Variants in FRMD3 observed in about 807,000 individuals in gnomAD.
FRMD3 encodes the protein FERM domain containing 3, also known as FERM domain-containing protein 3.
Under a neutral mutation model 70.2 loss-of-function variants are expected in FRMD3, and 33 were observed. The observed-to-expected ratio is 0.47, with a 90% CI of 0.36 to 0.63. FRMD3 has a LOEUF of 0.63. Ranked by LOEUF, FRMD3 falls within the 20% of genes least tolerant of loss-of-function variation. The pLI, the probability that FRMD3 is intolerant of heterozygous loss-of-function variation, is 0.00. For missense variants in FRMD3, 632 were observed against 711.4 expected, an observed-to-expected ratio of 0.89 and a Z score of 1.27; for synonymous variants, 279 against 255.9, an observed-to-expected ratio of 1.09 and a Z score of -0.86.
chr9:83,555,236 G>A, the FRMD3 span, among the ~76,000 whole-genome samples: 1 of 151,936 alleles, frequency 6.6e-6, no homozygotes, highest in Non-Finnish European at 1.5e-5. Context: ...CACTCAAACA[G>A]CAAAGATGGC....
intron 4 of FRMD3, among the ~76,000 whole-genome samples, chr9:83,344,803 G>A (rs1823895313): frequency 6.9e-6 from 1 of 144,926 alleles, no homozygotes; most frequent in Non-Finnish European, 1.5e-5. Flanking sequence ...GAAAGGGTGT[G>A]TGTGCATGCG....
chr9:83,418,259 A>G lies in FRMD3; in HGVS notation c.148-28551T>C, dbSNP rs557460288. Among the ~76,000 whole-genome samples the G allele has an allele frequency of 3.3e-5, 5 of 152,334 alleles. No homozygotes were observed. In the East Asian group the frequency reaches 9.6e-4, roughly 29 times the overall value. On this transcript the variant is annotated intron_variant, in intron 1 of 13. Transcript: ENST00000304195. ...TAAGACCCCAAAAGCAAATGCAACA[A>G]AAATAAAAATAAATAAATGGGACCT...
At chr9:83,311,786 T>C in intron 8 of FRMD3, 101 bp downstream of exon 8, 3 of 823,114 alleles carry the variant, frequency 3.6e-6, no homozygotes, top group Non-Finnish European at 6.2e-6. Context: ...AGGAAATGGA[T>C]ACCAGGCATT....
intron 13 of FRMD3, among the ~76,000 whole-genome samples, chr9:83,249,069 G>A (rs1832275884): frequency 6.6e-6 from 1 of 151,984 alleles, no homozygotes; most frequent in South Asian, 2.1e-4. Context: ...TATTTTCTAT[G>A]TTTAAACAAA....
chr9:83,266,889 T>A, intron 13 of FRMD3: 1 of 1,018,034 alleles, frequency 9.8e-7, no homozygotes, highest in Non-Finnish European at 1.4e-6. Context: ...CTCTCTCTTT[T>A]CATCCTTATC....
At chr9:83,297,561 C>T in intron 12 of FRMD3, 1 of 332,746 alleles carries the variant, frequency 3.0e-6, no homozygotes, top group East Asian at 7.6e-5. Flanking sequence ...TATGTTTTAT[C>T]ATTTCCTCTT....
intron 6 of FRMD3, 100 bp downstream of exon 6, chr9:83,335,416 A>G (rs1587737962): frequency 1.6e-6 from 2 of 1,281,394 alleles, no homozygotes; most frequent in Non-Finnish European, 1.1e-6. Context: ...CTATCCATAC[A>G]TTACAAATAT....
chr9:83,524,824 C>T (rs900986739), intron 1 of FRMD3, among the ~76,000 whole-genome samples: 1 of 152,064 alleles, frequency 6.6e-6, no homozygotes, highest in African/African-American at 2.4e-5. Context: ...AAACAAAGAA[C>T]CAATAAATAC....
Position 83,309,556 on chromosome 9 carries a change from C to T in FRMD3, c.906G>A (p.Val302=). The T allele has an allele frequency of 6.3e-7, 1 of 1,589,158 alleles. No homozygotes were observed. Among genetic ancestry groups the T allele is most frequent in the Admixed American group, 1.7e-5 (1 of 58,246 alleles). The change falls in exon 10 of 14, where the codon GTG becomes GTA. Residue 302 remains valine, a synonymous_variant. Coordinates refer to ENST00000304195, the MANE Select transcript of FRMD3 (RefSeq NM_174938.6). ...CTTACTTATAAAAGGCCTGGTTTTC[C>T]ACTCCACACTTCCAAAGATGTTTGC... ...AACKHLWKCG[V]ENQAFYKYAK...
intron 1 of FRMD3, among the ~76,000 whole-genome samples, chr9:83,437,193 C>G (rs74993159): frequency 0.021 from 3,248 of 152,304 alleles, 39 homozygotes; most frequent in Non-Finnish European, 0.035. Context: ...AAGGTCTAGA[C>G]TGTAAAATTA....
intron 1 of FRMD3, among the ~76,000 whole-genome samples, chr9:83,488,870 TG>T: frequency 6.6e-6 from 1 of 152,012 alleles, no homozygotes; most frequent in South Asian, 2.1e-4. Context: ...ACAAGGAAAA[TG>T]GGGGAAATAA....
the FRMD3 span, among the ~76,000 whole-genome samples, chr9:83,563,675 G>A: frequency 4.6e-5 from 7 of 152,082 alleles, no homozygotes; most frequent in South Asian, 1.5e-3. Context: ...ACTACTCCTT[G>A]AGTCCTCTCC....
At chr9:83,389,509 C>G in intron 2 of FRMD3, 95 bp downstream of exon 2, 1 of 794,492 alleles carries the variant, frequency 1.3e-6, no homozygotes, top group Non-Finnish European at 2.2e-6. Context: ...TCTATGAGAA[C>G]AAGGGCATCA....
At chr9:83,294,272 G>C (rs1454723370) in intron 12 of FRMD3, among the ~76,000 whole-genome samples, 1 of 152,150 alleles carries the variant, frequency 6.6e-6, no homozygotes, top group Non-Finnish European at 1.5e-5. Context: ...TCAATCTGCT[G>C]GTGTCTTGAT....
At chr9:83,270,970 A>G (rs12345712) in intron 13 of FRMD3, among the ~76,000 whole-genome samples, 32,351 of 151,884 alleles carry the variant, frequency 0.21, 4,090 homozygotes, top group African/African-American at 0.36. Context: ...CTCCTCCCCA[A>G]TAGTAGCAGT....
intron 13 of FRMD3, among the ~76,000 whole-genome samples, chr9:83,283,546 A>AAAAAAT (rs1834064358): frequency 3.9e-5 from 1 of 25,906 alleles, no homozygotes; most frequent in African/African-American, 5.7e-5. Flanking sequence ...AAAAAAAAAA[A>AAAAAAT]AATAATAATA....
chr9:83,439,882 G>A lies in FRMD3; in HGVS notation c.148-50174C>T, dbSNP rs116749651. Among the ~76,000 whole-genome samples, 528 of 152,238 alleles carry A rather than the reference G, an allele frequency of 3.5e-3. 3 individuals carry two copies. The highest frequency in any genetic ancestry group is 0.012 in the African/African-American group (490 of 41,542). On this transcript the variant is annotated intron_variant, in intron 1 of 13. Transcript: ENST00000304195. The stretch of plus-strand genomic sequence containing the variant: ...GCTAGCAGTTATAAAATAAAATAAG[G>A]AGAAACTGGTAGAAAGACTAGATAT...
intron 1 of FRMD3, among the ~76,000 whole-genome samples, chr9:83,431,357 G>C (rs1317515727): frequency 6.6e-6 from 1 of 152,044 alleles, no homozygotes; most frequent in Non-Finnish European, 1.5e-5. Context: ...ACATTTTCAG[G>C]GATATGAGTT....
intron 5 of FRMD3, among the ~76,000 whole-genome samples, chr9:83,341,643 T>C (rs1204432485): frequency 2.0e-5 from 3 of 152,096 alleles, no homozygotes; most frequent in Non-Finnish European, 4.4e-5. Context: ...AAACACATTC[T>C]CTACTTCAGT....
Sources: gnomAD v4.1 joint callset for allele counts (sites outside exome capture counted in the v4.1 genomes callset) on GRCh38, gnomAD v4.1.1 for gene constraint, MANE v1.5 for transcripts, NCBI Gene and HGNC (gene_info 2026-07-23, HGNC 2026-07-21) for gene names.